The following NKAIN2 variants were observed in gnomAD, a reference collection of about 807,000 sequenced individuals.
NKAIN2 encodes the protein sodium/potassium transporting ATPase interacting 2.
In NKAIN2, 14 loss-of-function variants were observed where a neutral mutation model predicts 32.6. The observed-to-expected ratio is 0.43, with a 90% CI of 0.28 to 0.67. The LOEUF is 0.67. Ranked by LOEUF, NKAIN2 falls within the 30% of genes least tolerant of loss-of-function variation. The pLI is 0.17. For synonymous variants in NKAIN2, 80 were observed against 87.2 expected, an observed-to-expected ratio of 0.92 and a Z score of 0.46; for missense variants, 198 against 258.3, an observed-to-expected ratio of 0.77 and a Z score of 1.60.
At chr6:124,637,844 A>G (rs1783830854) in intron 3 of NKAIN2, among the ~76,000 whole-genome samples, 1 of 152,182 alleles carries the variant, frequency 6.6e-6, no homozygotes, top group South Asian at 2.1e-4. Flanking sequence ...ATCCAAAGCA[A>G]TCTATAAATT....
At chr6:124,194,592 T>C (rs1055006996) in intron 1 of NKAIN2, among the ~76,000 whole-genome samples, 27 of 152,140 alleles carry the variant, frequency 1.8e-4, no homozygotes, top group African/African-American at 6.3e-4. Flanking sequence ...TTGGGGTTAA[T>C]CAATATTTAT....
chr6:124,098,612 T>C (rs1784744167), intron 1 of NKAIN2, among the ~76,000 whole-genome samples: 1 of 152,144 alleles, frequency 6.6e-6, no homozygotes, highest in African/African-American at 2.4e-5. Flanking sequence ...AACTCACACC[T>C]GTAATCCCAG....
At chr6:123,850,061 G>A (rs1775267529) in intron 1 of NKAIN2, among the ~76,000 whole-genome samples, 1 of 148,636 alleles carries the variant, frequency 6.7e-6, no homozygotes, top group Non-Finnish European at 1.5e-5. Flanking sequence ...TCCTGCCTCA[G>A]TCTTCCAAAA....
At chr6:124,384,210 C>T (rs1011379398) in intron 3 of NKAIN2, among the ~76,000 whole-genome samples, 3 of 152,130 alleles carry the variant, frequency 2.0e-5, no homozygotes, top group Non-Finnish European at 4.4e-5. Context: ...GAACAGTGAA[C>T]TTGGTAATGA....
chr6:124,063,094 AG>A (rs774871554), intron 1 of NKAIN2, among the ~76,000 whole-genome samples: 4 of 151,992 alleles, frequency 2.6e-5, no homozygotes, highest in Non-Finnish European at 5.9e-5. Flanking sequence ...GCTGAGACAG[AG>A]AATTGCTTGA....
intron 1 of NKAIN2, among the ~76,000 whole-genome samples, chr6:124,076,571 C>T (rs1302879894): frequency 1.3e-5 from 2 of 152,056 alleles, no homozygotes; most frequent in African/African-American, 4.8e-5. Flanking sequence ...AGATGGAACA[C>T]GTGAGGGTGA....
intron 1 of NKAIN2, among the ~76,000 whole-genome samples, chr6:124,216,840 A>G (rs552734794): frequency 6.6e-6 from 1 of 152,196 alleles, no homozygotes; most frequent in Non-Finnish European, 1.5e-5. Flanking sequence ...ACCTAACCCT[A>G]TATTTTCACC....
At chr6:124,051,277 A>G (rs2114833941) in intron 1 of NKAIN2, among the ~76,000 whole-genome samples, 1 of 152,098 alleles carries the variant, frequency 6.6e-6, no homozygotes, top group Admixed American at 6.6e-5. Context: ...CTTTTTGGAG[A>G]AAGGGAACGA....
At chr6:124,562,376 A>C (rs1780728412) in intron 3 of NKAIN2, among the ~76,000 whole-genome samples, 1 of 152,212 alleles carries the variant, frequency 6.6e-6, no homozygotes, top group African/African-American at 2.4e-5. Context: ...TAAGGCATAC[A>C]TGTGAAACTA....
intron 3 of NKAIN2, among the ~76,000 whole-genome samples, chr6:124,417,256 C>G (rs775957034): frequency 1.3e-5 from 2 of 152,056 alleles, no homozygotes; most frequent in Non-Finnish European, 2.9e-5. Flanking sequence ...TCAACAAAAT[C>G]TGAAAGTCTT....
At chr6:124,366,450 G>GAA (rs558573056) in intron 3 of NKAIN2, among the ~76,000 whole-genome samples, 1,514 of 146,650 alleles carry the variant, frequency 0.01, 33 homozygotes, top group African/African-American at 0.036. Context: ...TCTTTTGACA[G>GAA]AAAAAAAAAA....
At chr6:124,122,637 G>A (rs1240008008) in intron 1 of NKAIN2, among the ~76,000 whole-genome samples, 1 of 152,046 alleles carries the variant, frequency 6.6e-6, no homozygotes, top group East Asian at 1.9e-4. Context: ...ATGGATAATA[G>A]CAACCTCAAA....
Position 124,181,995 on chromosome 6 carries a change from C to G in NKAIN2, c.55-101010C>G, listed in dbSNP as rs892003297. 2.6e-5 allele frequency among the ~76,000 whole-genome samples: 4 copies of G among 152,240 alleles called. 1 individual carries two copies. Among genetic ancestry groups the G allele is most frequent in the Admixed American group, 2.0e-4 (3 of 15,290 alleles). On this transcript the variant is annotated intron_variant, in intron 1 of 6. Coordinates refer to ENST00000368417, the MANE Select transcript of NKAIN2 (RefSeq NM_001040214.3). ...CCAATTTACTGTATTAGTCTGTTCTCTAATAAAGACATACATGAGAGTGGG... is the reference window on the plus strand; with the variant it reads ...CCAATTTACTGTATTAGTCTGTTCTGTAATAAAGACATACATGAGAGTGGG...
chr6:123,958,720 A>G (rs1360429042), intron 1 of NKAIN2, among the ~76,000 whole-genome samples: 7 of 152,176 alleles, frequency 4.6e-5, no homozygotes, highest in African/African-American at 1.7e-4. Context: ...TTCCTCATCT[A>G]TGTATTTGTC....
At chr6:124,363,576 G>A (rs950084918) in intron 3 of NKAIN2, among the ~76,000 whole-genome samples, 1 of 152,208 alleles carries the variant, frequency 6.6e-6, no homozygotes, top group African/African-American at 2.4e-5. Flanking sequence ...TTTTTCGGCA[G>A]TCATGCCAAA....
At chr6:123,805,867 G>A (rs1020979512) in intron 1 of NKAIN2, among the ~76,000 whole-genome samples, 2 of 145,014 alleles carry the variant, frequency 1.4e-5, no homozygotes, top group Non-Finnish European at 3.1e-5. Flanking sequence ...TGCTCTTTTC[G>A]ATTTAAAATT....
At chr6:123,924,946 G>A (rs932309411) in intron 1 of NKAIN2, among the ~76,000 whole-genome samples, 8 of 152,024 alleles carry the variant, frequency 5.3e-5, no homozygotes, top group African/African-American at 1.4e-4. Flanking sequence ...TTGGTTACAT[G>A]TTTGAATAAA....
chr6:124,716,088 AT>A (rs1288454665), intron 4 of NKAIN2, among the ~76,000 whole-genome samples: 2 of 152,220 alleles, frequency 1.3e-5, no homozygotes, highest in Non-Finnish European at 2.9e-5. Flanking sequence ...AGAGTTATTT[AT>A]TAAAAGATAC....
At chr6:123,814,484 C>G (rs889338356) in intron 1 of NKAIN2, among the ~76,000 whole-genome samples, 3 of 152,098 alleles carry the variant, frequency 2.0e-5, no homozygotes, top group African/African-American at 7.2e-5. Flanking sequence ...ATAAATCTTG[C>G]AACAAAAATA....
Sources: gnomAD v4.1 joint callset for allele counts (sites outside exome capture counted in the v4.1 genomes callset) on GRCh38, gnomAD v4.1.1 for gene constraint, MANE v1.5 for transcripts, NCBI Gene and HGNC (gene_info 2026-07-23, HGNC 2026-07-21) for gene names.